PPA2: variants seen among roughly 807,000 people sequenced by gnomAD.
PPA2 encodes inorganic pyrophosphatase 2, also known as inorganic pyrophosphatase 2, mitochondrial.
A neutral mutation model predicts 49.5 loss-of-function variants in PPA2; 48 were observed. The observed-to-expected ratio is 0.97, with a 90% confidence interval of 0.77 to 1.23. The LOEUF (loss-of-function observed/expected upper bound fraction) is 1.23, where lower values mean the gene tolerates loss of function less well. PPA2 is among the 50% of genes most tolerant of loss of function. PPA2 has a pLI of 0.00. For missense variants in PPA2, 429 were observed against 410.1 expected (o/e 1.05, Z -0.40); for synonymous variants, 131 against 139.9 (o/e 0.94, Z 0.45).
At chr4:105,388,489 T>A (rs1733769987) in intron 9 of PPA2, among the ~76,000 whole-genome samples, 1 of 152,150 alleles carries the variant, frequency 6.6e-6, no homozygotes, top group East Asian at 1.9e-4. Context: ...GTAGTGGATA[T>A]CTTGGGAAAG....
chr4:105,454,735 G>A (rs17035619), intron 2 of PPA2, among the ~76,000 whole-genome samples: 21,815 of 151,976 alleles, frequency 0.14, 1,796 homozygotes, highest in African/African-American at 0.22. Flanking sequence ...ACCACCATGC[G>A]TATCCATTTC....
intron 9 of PPA2, among the ~76,000 whole-genome samples, chr4:105,386,935 C>T (rs552609768): frequency 4.3e-4 from 66 of 152,296 alleles, no homozygotes; most frequent in Non-Finnish European, 5.1e-4. Flanking sequence ...CACAATTGCA[C>T]TTCACCTTTA....
At chr4:105,414,451 G>A (rs929809182) in intron 7 of PPA2, among the ~76,000 whole-genome samples, 1 of 152,236 alleles carries the variant, frequency 6.6e-6, no homozygotes. Flanking sequence ...TCCCACGCAT[G>A]CCAAGGGCAA....
At chr4:105,433,861 C>T (rs1444936584) in intron 6 of PPA2, among the ~76,000 whole-genome samples, 1 of 152,188 alleles carries the variant, frequency 6.6e-6, no homozygotes, top group East Asian at 1.9e-4. Flanking sequence ...ATGATATTTG[C>T]AGCTCTGAAT....
chr4:105,376,335 G>C (rs1383197668), intron 10 of PPA2, among the ~76,000 whole-genome samples: 1 of 152,124 alleles, frequency 6.6e-6, no homozygotes, highest in African/African-American at 2.4e-5. Context: ...CAACACTATG[G>C]ATACTGTTGC....
chr4:105,408,522 T>C (rs1174666470), intron 7 of PPA2, among the ~76,000 whole-genome samples: 3 of 152,184 alleles, frequency 2.0e-5, no homozygotes, highest in African/African-American at 7.2e-5. Flanking sequence ...CAAGATATGA[T>C]AGTTTAACAC....
Position 105,424,288 on chromosome 4 carries a change from A to T in PPA2, c.563T>A (p.Ile188Asn). 1 of 1,600,544 alleles carries T rather than the reference A, an allele frequency of 6.2e-7. No individual in the cohort carries two copies. Among genetic ancestry groups the T allele is most frequent in the Non-Finnish European group, 8.5e-7 (1 of 1,176,206 alleles). ...LSCGEVIHVKILGILALIDEG... is the reference protein window; with the variant it reads ...LSCGEVIHVKNLGILALIDEG... ...ATCAATAAGAGCCAAAATTCCAAGG[A>T]TCTTCACATGAATAACTTCTCCACA... Residue 188 changes from isoleucine (I) to asparagine (N), a missense_variant, in exon 7 of 12, where the codon ATC becomes AAC. Coordinates refer to ENST00000341695, the MANE Select transcript of PPA2 (RefSeq NM_176869.3).
At chr4:105,454,576 C>T (rs1259350252) in intron 2 of PPA2, among the ~76,000 whole-genome samples, 3 of 152,090 alleles carry the variant, frequency 2.0e-5, no homozygotes, top group Non-Finnish European at 4.4e-5. Flanking sequence ...CCTCATGATC[C>T]GCCTGCCTTG....
intron 5 of PPA2, among the ~76,000 whole-genome samples, chr4:105,440,722 C>A (rs893873304): frequency 6.6e-6 from 1 of 152,118 alleles, no homozygotes; most frequent in African/African-American, 2.4e-5. Context: ...ATTCCTCACA[C>A]AGAGACAAAG....
chr4:105,422,895 T>C (rs1723316661), intron 7 of PPA2, among the ~76,000 whole-genome samples: 2 of 152,212 alleles, frequency 1.3e-5, no homozygotes, highest in African/African-American at 2.4e-5. Flanking sequence ...GGGCATCCCT[T>C]AGCACAGTTT....
intron 7 of PPA2, 38 bp downstream of exon 7, chr4:105,424,158 C>T (rs759518957): frequency 6.3e-7 from 1 of 1,587,374 alleles, no homozygotes; most frequent in East Asian, 2.3e-5. Flanking sequence ...CAATGACACA[C>T]TAATTTGCTT....
intron 6 of PPA2, among the ~76,000 whole-genome samples, chr4:105,427,874 A>G (rs1306742122): frequency 2.6e-5 from 4 of 152,184 alleles, no homozygotes; most frequent in African/African-American, 9.7e-5. Flanking sequence ...CCTCGAGAAG[A>G]GCAACCCCAA....
chr4:105,394,385 A>AAAAG (rs1291972368), intron 9 of PPA2, among the ~76,000 whole-genome samples: 1 of 124,428 alleles, frequency 8.0e-6, no homozygotes, highest in Non-Finnish European at 1.9e-5. Flanking sequence ...AAAAAAAAAA[A>AAAAG]AAAAAGAAAG....
intron 10 of PPA2, among the ~76,000 whole-genome samples, chr4:105,376,662 T>A (rs77994146): frequency 1.3e-5 from 2 of 152,186 alleles, no homozygotes; most frequent in Non-Finnish European, 2.9e-5. Context: ...AGGTTCACAG[T>A]GGCATGGGTC....
chr4:105,412,437 A>C (rs1722804488), intron 7 of PPA2, among the ~76,000 whole-genome samples: 1 of 152,238 alleles, frequency 6.6e-6, no homozygotes, highest in Non-Finnish European at 1.5e-5. Flanking sequence ...CAAAGACTTC[A>C]TGACTAAAAC....
At chr4:105,414,977 G>C (rs1010669746) in intron 7 of PPA2, among the ~76,000 whole-genome samples, 2 of 152,104 alleles carry the variant, frequency 1.3e-5, no homozygotes, top group Non-Finnish European at 2.9e-5. Context: ...CCTCAGCAGA[G>C]AGGACATCCA....
chr4:105,457,185 C>T lies in PPA2; in HGVS notation c.158-440G>A, dbSNP rs148610674. 5.0e-3 allele frequency among the ~76,000 whole-genome samples: 754 copies of T among 152,232 alleles called. 10 individuals carry two copies. The highest frequency in any genetic ancestry group is 0.017 in the African/African-American group (711 of 41,560). ...CCATGGGAAGAAAAGTCCAAAGTTC[C>T]TATTCAATTAAAAGAAAAGAAATAT... On this transcript the variant is annotated intron_variant, in intron 1 of 11. Coordinates refer to ENST00000341695, the MANE Select transcript of PPA2 (RefSeq NM_176869.3).
chr4:105,436,242 A>C (rs76166168), intron 6 of PPA2, among the ~76,000 whole-genome samples: 2,643 of 151,956 alleles, frequency 0.017, 57 homozygotes, highest in African/African-American at 0.055. Context: ...ACACACACAC[A>C]CCCCGCAGGA....
chr4:105,374,867 T>A lies in PPA2; in HGVS notation c.940-3994A>T, dbSNP rs955683026. 6.7e-4 allele frequency among the ~76,000 whole-genome samples: 101 copies of A among 151,372 alleles called. 2 individuals are homozygous for A. The South Asian group carries it at 0.021, about 31-fold the overall frequency. On this transcript the variant is annotated intron_variant, in intron 10 of 11. Coordinates refer to ENST00000341695, the MANE Select transcript of PPA2 (RefSeq NM_176869.3). The stretch of plus-strand genomic sequence containing the variant: ...TTTCTTTTTCTTTTTTCTTTTTTTT[T>A]TTTTTTTAGAGACGGGGTTTTACCA...
Sources: allele counts gnomAD v4.1 joint callset (sites outside exome capture counted in the v4.1 genomes callset), GRCh38; gene constraint gnomAD v4.1.1; transcripts MANE v1.5; gene names NCBI Gene and HGNC (gene_info 2026-07-23, HGNC 2026-07-21).